IRF8: variants seen among roughly 807,000 people sequenced by gnomAD.
IRF8 encodes interferon consensus sequence binding protein 1.
IRF8 carries 14 observed loss-of-function variants against 48.7 expected under a neutral mutation model. The observed-to-expected ratio is 0.29, with a 90% CI of 0.19 to 0.45. The LOEUF (loss-of-function observed/expected upper bound fraction) is 0.45, where lower values mean the gene tolerates loss of function less well. Ranked by LOEUF, IRF8 falls within the 20% of genes least tolerant of loss-of-function variation. The pLI, the probability that IRF8 is intolerant of heterozygous loss-of-function variation, is 1.00. For synonymous variants in IRF8, 278 were observed against 227.3 expected, an observed-to-expected ratio of 1.22 and a Z score of -2.01; for missense variants, 493 against 580.7, an observed-to-expected ratio of 0.85 and a Z score of 1.55.
At chr16:85,902,918 CT>C (rs1904870881) in intron 1 of IRF8, 96 bp from the exon 2 acceptor site, 1 of 1,359,928 alleles carries the variant, frequency 7.4e-7, no homozygotes. Flanking sequence ...AGCACCTTTG[CT>C]GCAAACCTCT....
At chr16:85,905,255 G>A (rs977773673) in intron 2 of IRF8, among the ~76,000 whole-genome samples, 4 of 152,220 alleles carry the variant, frequency 2.6e-5, no homozygotes, top group Non-Finnish European at 5.9e-5. Context: ...ACATCTTTAA[G>A]ACATGGCAGA....
chr16:85,917,621 G>A (rs973096478), intron 6 of IRF8, among the ~76,000 whole-genome samples: 5 of 152,228 alleles, frequency 3.3e-5, no homozygotes, highest in Admixed American at 6.5e-5. Context: ...CTTGACCTCT[G>A]ACAATGCCCT....
intron 4 of IRF8, among the ~76,000 whole-genome samples, chr16:85,912,825 G>A (rs941923539): frequency 7.2e-5 from 11 of 152,198 alleles, no homozygotes; most frequent in African/African-American, 1.7e-4. Flanking sequence ...TGTCCAGGGC[G>A]TTGAGGGCAA....
At chr16:85,916,647 C>T (rs1905317140) in intron 6 of IRF8, among the ~76,000 whole-genome samples, 1 of 152,228 alleles carries the variant, frequency 6.6e-6, no homozygotes, top group Non-Finnish European at 1.5e-5. Flanking sequence ...CTGAGAGGTG[C>T]TGGTACCAAG....
chr16:85,903,721 G>A (rs1904900813), intron 2 of IRF8, among the ~76,000 whole-genome samples: 1 of 152,206 alleles, frequency 6.6e-6, no homozygotes, highest in Admixed American at 6.5e-5. Flanking sequence ...AGAGTAATCG[G>A]TTCCCCATGC....
chr16:85,911,653 A>G lies in IRF8; in HGVS notation c.442A>G (p.Lys148Glu). 18 of 1,613,580 alleles carry G rather than the reference A, an allele frequency of 1.1e-5. No homozygotes were observed. Among genetic ancestry groups the G allele is most frequent in the Non-Finnish European group, 1.5e-5 (18 of 1,179,604 alleles). Residue 148 changes from lysine (K) to glutamate (E), a missense_variant, in exon 4 of 9, where the codon AAG (lysine) becomes GAG (glutamate). By Grantham distance (56) the Lys-to-Glu change is moderately conservative (BLOSUM62 1). Coordinates refer to ENST00000268638, the MANE Select transcript of IRF8 (RefSeq NM_002163.4). ...CGRSEIDELIKEPSVDDYMGM... is the reference protein window; with the variant it reads ...CGRSEIDELIEEPSVDDYMGM... ...TCGCTCTGAAATCGACGAGCTGATCAAGGAGGTAAGCAGAGGCAGCATTTC... is the reference window on the plus strand; with the variant it reads ...TCGCTCTGAAATCGACGAGCTGATCGAGGAGGTAAGCAGAGGCAGCATTTC...
intron 1 of IRF8, among the ~76,000 whole-genome samples, chr16:85,900,042 CT>C (rs1904780267): frequency 6.6e-6 from 1 of 152,144 alleles, no homozygotes; most frequent in South Asian, 2.1e-4. Context: ...AAAGCTTGTC[CT>C]TTTGGGTTAC....
In IRF8 at chr16:85,920,110, G is replaced by T. The variant is rs1394142597; in HGVS notation, c.990G>T (p.Glu330Asp). ...QVFDTSQFFRELQQFYNSQGR... is the reference protein window; with the variant it reads ...QVFDTSQFFRDLQQFYNSQGR... ...CACCCTCTGCCTGTGTCATTCCAGA[G>T]CTGCAGCAGTTCTATAACAGCCAGG... Residue 330 changes from glutamate to aspartate, a missense_variant and splice_region_variant, in exon 8 of 9, where the codon GAG becomes GAT. Glu to Asp is a conservative substitution (Grantham distance 45, BLOSUM62 2). Around this residue, in one of 3 missense-constraint regions of IRF8, gnomAD observed 408 missense variants for 449.6 expected, o/e 0.91. Transcript: ENST00000268638. 6.2e-7 allele frequency: 1 copy of T among 1,611,698 alleles called. No homozygotes were observed. The highest frequency in any genetic ancestry group is 8.5e-7 in the Non-Finnish European group (1 of 1,177,750).
intron 2 of IRF8, among the ~76,000 whole-genome samples, chr16:85,907,682 A>C (rs1350628245): frequency 6.6e-6 from 1 of 152,194 alleles, no homozygotes; most frequent in Non-Finnish European, 1.5e-5. Flanking sequence ...GTCTCAAAAA[A>C]ATAAAAAAAC....
chr16:85,903,121 T>C lies in IRF8; in HGVS notation c.106T>C (p.Phe36Leu). The C allele has an allele frequency of 6.2e-7, 1 of 1,614,152 alleles. No homozygotes were observed. The highest frequency in any genetic ancestry group is 8.5e-7 in the Non-Finnish European group (1 of 1,180,022). Reference protein sequence around the residue: ...LIWENEEKSMFRIPWKHAGKQ... With the variant: ...LIWENEEKSMLRIPWKHAGKQ... ...TTGGGAGAATGAGGAGAAGAGCATG[T>C]TCCGGATCCCTTGGAAACACGCTGG... The change falls in exon 2 of 9, where the codon TTC becomes CTC. Residue 36 changes from phenylalanine to leucine, a missense_variant. Coordinates refer to ENST00000268638, the MANE Select transcript of IRF8 (RefSeq NM_002163.4).
At chr16:85,902,916 T>G in intron 1 of IRF8, 99 bp from the exon 2 acceptor site, 2 of 1,334,530 alleles carry the variant, frequency 1.5e-6, no homozygotes, top group Non-Finnish European at 2.1e-6. Flanking sequence ...CCAGCACCTT[T>G]GCTGCAAACC....
chr16:85,904,308 G>C (rs1256347159), intron 2 of IRF8, among the ~76,000 whole-genome samples: 2 of 152,108 alleles, frequency 1.3e-5, no homozygotes, highest in African/African-American at 4.8e-5. Context: ...AGTTGTTGGG[G>C]GCCAGAATCA....
chr16:85,911,685 C>A, intron 4 of IRF8, 27 bp downstream of exon 4: 2 of 1,591,472 alleles, frequency 1.3e-6, no homozygotes, highest in Admixed American at 1.7e-5. Context: ...TTTCAGGGGT[C>A]TGGCCCTGCC....
Position 85,908,990 on chromosome 16 carries a change from G to T in IRF8, c.175G>T (p.Ala59Ser), listed in dbSNP as rs1474894975. The T allele has an allele frequency of 6.2e-7, 1 of 1,613,772 alleles. No homozygotes were observed. The highest frequency in any genetic ancestry group is 1.7e-5 in the Admixed American group (1 of 60,014). Residue 59 changes from alanine (A) to serine (S), a missense_variant and splice_region_variant, in exon 3 of 9, where the codon GCC (alanine) becomes TCC (serine). Coordinates refer to ENST00000268638, the MANE Select transcript of IRF8 (RefSeq NM_002163.4). ...AATGTGCTTCTGTTTCTTTCTTCAGGCCTGGGCAGTTTTTAAAGGGAAGTT... is the reference window on the plus strand; with the variant it reads ...AATGTGCTTCTGTTTCTTTCTTCAGTCCTGGGCAGTTTTTAAAGGGAAGTT... ...NQEVDASIFK[A>S]WAVFKGKFKE...
intron 3 of IRF8, among the ~76,000 whole-genome samples, chr16:85,911,108 A>G (rs1192928463): frequency 6.6e-6 from 1 of 152,214 alleles, no homozygotes; most frequent in East Asian, 1.9e-4. Flanking sequence ...GCACATGTGT[A>G]TATTTGGAAA....
chr16:85,918,086 G>T (rs899081743), intron 6 of IRF8, among the ~76,000 whole-genome samples: 1 of 152,146 alleles, frequency 6.6e-6, no homozygotes, highest in Admixed American at 6.5e-5. Flanking sequence ...ATGAGTTGTC[G>T]AAACATCGTT....
At position 85,903,117 on chromosome 16, in the gene IRF8, C is replaced by G. The variant is rs200775854; in HGVS notation, c.102C>G (p.Ser34Arg). Residue 34 changes from serine to arginine, a missense_variant, in exon 2 of 9, where the codon AGC becomes AGG. Around this residue, in one of 3 missense-constraint regions of IRF8, gnomAD observed 54 missense variants for 59.9 expected, o/e 0.90. Transcript: ENST00000268638. ...PGLIWENEEK[S>R]MFRIPWKHAG... ...TGATTTGGGAGAATGAGGAGAAGAG[C>G]ATGTTCCGGATCCCTTGGAAACACG... 153 of 1,614,114 alleles carry G rather than the reference C, an allele frequency of 9.5e-5. 1 individual carries two copies. In the East Asian group the frequency reaches 3.3e-3, roughly 35 times the overall value.
intron 6 of IRF8, among the ~76,000 whole-genome samples, chr16:85,916,057 T>G (rs1200534383): frequency 6.6e-6 from 1 of 152,204 alleles, no homozygotes. Context: ...ATGAGCTGTG[T>G]AGACCATAGT....
chr16:85,908,331 G>T (rs1163977992), intron 2 of IRF8, among the ~76,000 whole-genome samples: 1 of 151,892 alleles, frequency 6.6e-6, no homozygotes, highest in South Asian at 2.1e-4. Flanking sequence ...TAAGATTTCA[G>T]CTTTGAATTT....
Sources: allele counts gnomAD v4.1 joint callset (sites outside exome capture counted in the v4.1 genomes callset), GRCh38; gene constraint gnomAD v4.1.1; regional missense constraint gnomAD v4.1.1; transcripts MANE v1.5; gene names NCBI Gene and HGNC (gene_info 2026-07-23, HGNC 2026-07-21).